STAU2: variants seen among roughly 807,000 people sequenced by gnomAD.
STAU2 encodes double-stranded RNA-binding protein Staufen homolog 2.
STAU2 carries 20 observed loss-of-function variants against 65.9 expected under a neutral mutation model. That is an observed-to-expected ratio of 0.30 (90% confidence interval 0.21 to 0.44). STAU2 has a LOEUF of 0.44. Among genes scored for constraint, STAU2 ranks in the 20% least tolerant of loss-of-function variants. The pLI is 1.00. For missense variants in STAU2, 558 were observed against 683.9 expected (o/e 0.82, Z 2.05); for synonymous variants, 232 against 233.9 (o/e 0.99, Z 0.07).
chr8:73,583,681 AT>A (rs1810162182), intron 11 of STAU2, among the ~76,000 whole-genome samples: 1 of 152,154 alleles, frequency 6.6e-6, no homozygotes, highest in Admixed American at 6.5e-5. Context: ...AAATAAAAAA[AT>A]GACATATACA....
rs1817804042 is a variant in STAU2 at position 73,673,179 on chromosome 8, T to C, written c.338A>G (p.Tyr113Cys). The change falls in exon 6 of 15, where the codon TAC (tyrosine) becomes TGC (cysteine). Residue 113 changes from tyrosine to cysteine, a missense_variant. Around this residue, in one of 3 missense-constraint regions of STAU2, gnomAD observed 199 missense variants for 299.5 expected, o/e 0.66. Transcript: ENST00000524300. The stretch of plus-strand genomic sequence containing the variant: ...GAATGGCTTTGGATCTAATGGCCTG[T>C]AGATGGCAGGCTCTCCCCTTTTCAT... ...LAMKRGEPAI[Y>C]RPLDPKPFPN... 1.2e-6 allele frequency: 2 copies of C among 1,607,920 alleles called. No individual in the cohort carries two copies. Among genetic ancestry groups the C allele is most frequent in the Non-Finnish European group, 8.5e-7 (1 of 1,176,384 alleles).
chr8:73,567,001 C>G (rs2128952674), intron 12 of STAU2, among the ~76,000 whole-genome samples: 1 of 152,272 alleles, frequency 6.6e-6, no homozygotes, highest in East Asian at 1.9e-4. Flanking sequence ...ACTAATTATG[C>G]CAACCATTAT....
At chr8:73,578,553 A>G (rs1422413466) in intron 12 of STAU2, among the ~76,000 whole-genome samples, 1 of 152,188 alleles carries the variant, frequency 6.6e-6, no homozygotes, top group East Asian at 1.9e-4. Context: ...AGAAGCAGCA[A>G]TTCTACCTGC....
chr8:73,475,536 G>C (rs981947483), intron 13 of STAU2, among the ~76,000 whole-genome samples: 6 of 152,118 alleles, frequency 3.9e-5, no homozygotes, highest in Non-Finnish European at 8.8e-5. Context: ...TATGGATTTT[G>C]TTCCATTTTT....
intron 13 of STAU2, among the ~76,000 whole-genome samples, chr8:73,531,343 G>A (rs1181545684): frequency 6.6e-6 from 1 of 152,130 alleles, no homozygotes; most frequent in African/African-American, 2.4e-5. Context: ...TGGGAGATGT[G>A]GCAAGGCACG....
intron 13 of STAU2, among the ~76,000 whole-genome samples, chr8:73,522,979 C>G (rs1407669714): frequency 1.3e-5 from 2 of 151,928 alleles, no homozygotes; most frequent in African/African-American, 2.4e-5. Flanking sequence ...GCACAGATCA[C>G]GAGGTCAGGA....
At chr8:73,425,658 T>C (rs1318579470) in intron 13 of STAU2, among the ~76,000 whole-genome samples, 1 of 152,196 alleles carries the variant, frequency 6.6e-6, no homozygotes, top group Non-Finnish European at 1.5e-5. Flanking sequence ...CTCCCTGTAT[T>C]ATTTTTTGTT....
intron 2 of STAU2, among the ~76,000 whole-genome samples, chr8:73,739,519 T>C (rs547443990): frequency 1.6e-3 from 237 of 152,284 alleles, no homozygotes; most frequent in Middle Eastern, 6.8e-3. Context: ...CACACATACA[T>C]ACACAAACAC....
At chr8:73,442,168 C>T (rs1320791174) in intron 13 of STAU2, among the ~76,000 whole-genome samples, 1 of 151,956 alleles carries the variant, frequency 6.6e-6, no homozygotes, top group Non-Finnish European at 1.5e-5. Context: ...TCCTGGCGAA[C>T]ATGGTGAAAC....
intron 6 of STAU2, chr8:73,670,542 G>C (rs1817601674): frequency 6.6e-6 from 1 of 152,002 alleles, no homozygotes; most frequent in African/African-American, 2.4e-5. Context: ...AGCTCCCCCA[G>C]GCATACCTGA....
intron 13 of STAU2, among the ~76,000 whole-genome samples, chr8:73,423,153 C>G (rs1370768550): frequency 1.3e-5 from 2 of 152,184 alleles, no homozygotes; most frequent in East Asian, 3.9e-4. Context: ...TACAGAATGT[C>G]AGCAGAGGAA....
At chr8:73,437,111 T>C (rs960881239) in intron 13 of STAU2, among the ~76,000 whole-genome samples, 4 of 152,176 alleles carry the variant, frequency 2.6e-5, no homozygotes, top group South Asian at 2.1e-4. Context: ...CTGTATTTGA[T>C]TGATTGATCC....
At chr8:73,692,197 C>CTT (rs542649483) in intron 4 of STAU2, among the ~76,000 whole-genome samples, 18 of 144,858 alleles carry the variant, frequency 1.2e-4, no homozygotes, top group Admixed American at 3.5e-4. Context: ...CTACGTACTT[C>CTT]TTTTTTTTTT....
intron 13 of STAU2, among the ~76,000 whole-genome samples, chr8:73,433,194 T>A (rs75625923): frequency 0.022 from 3,307 of 152,110 alleles, 114 homozygotes; most frequent in African/African-American, 0.075. Flanking sequence ...AATTCCTGGG[T>A]TTTGTCATTT....
intron 13 of STAU2, among the ~76,000 whole-genome samples, chr8:73,523,012 A>G (rs912600042): frequency 2.6e-5 from 4 of 152,026 alleles, no homozygotes; most frequent in African/African-American, 9.7e-5. Flanking sequence ...TCTGCCCAAC[A>G]TGGTGAAACC....
At chr8:73,723,888 A>C (rs1398513374) in intron 3 of STAU2, among the ~76,000 whole-genome samples, 1 of 152,254 alleles carries the variant, frequency 6.6e-6, no homozygotes, top group Non-Finnish European at 1.5e-5. Flanking sequence ...GTAATCTTTA[A>C]CTGAATGACA....
At chr8:73,550,789 G>A in intron 13 of STAU2, 1 of 987,318 alleles carries the variant, frequency 1.0e-6, no homozygotes, top group Non-Finnish European at 1.2e-6. Flanking sequence ...CATATTAAGA[G>A]TCCAATTAGA....
At chr8:73,684,498 T>C (rs1468023481) in intron 5 of STAU2, among the ~76,000 whole-genome samples, 1 of 152,102 alleles carries the variant, frequency 6.6e-6, no homozygotes, top group Non-Finnish European at 1.5e-5. Flanking sequence ...CCTGAAACCA[T>C]AAAAATTCTA....
chr8:73,622,953 A>G (rs77523418), intron 6 of STAU2, among the ~76,000 whole-genome samples: 4,379 of 152,344 alleles, frequency 0.029, 178 homozygotes, highest in African/African-American at 0.096. Context: ...CTTGCAAAAA[A>G]TAAATAAAAT....
Sources: gnomAD v4.1 joint callset for allele counts (sites outside exome capture counted in the v4.1 genomes callset) on GRCh38, gnomAD v4.1.1 for gene constraint, gnomAD v4.1.1 regional missense constraint, MANE v1.5 for transcripts, NCBI Gene and HGNC (gene_info 2026-07-23, HGNC 2026-07-21) for gene names.